RAPGEF4: variants seen among roughly 807,000 people sequenced by gnomAD.
The protein encoded by RAPGEF4 is Rap guanine nucleotide exchange factor 4.
A neutral mutation model predicts 147.9 loss-of-function variants in RAPGEF4; 66 were observed. The ratio of observed to expected loss-of-function variants is 0.45; its 90% confidence interval spans 0.37 to 0.55. The LOEUF is 0.55. Ranked by LOEUF, RAPGEF4 falls within the 20% of genes least tolerant of loss-of-function variation. The pLI is 0.00. For synonymous variants in RAPGEF4, 419 were observed against 442.7 expected (o/e 0.95, Z 0.67); for missense variants, 1,071 against 1,257.3 (o/e 0.85, Z 2.24).
intron 4 of RAPGEF4, among the ~76,000 whole-genome samples, chr2:172,817,540 G>T (rs1688621499): frequency 6.6e-6 from 1 of 152,142 alleles, no homozygotes; most frequent in African/African-American, 2.4e-5. Flanking sequence ...AATATCAAAA[G>T]GGAAGAACTA....
chr2:172,847,276 G>A (rs1056291018), intron 4 of RAPGEF4, among the ~76,000 whole-genome samples: 2 of 152,158 alleles, frequency 1.3e-5, no homozygotes, highest in South Asian at 2.1e-4. Flanking sequence ...TCTTAACACT[G>A]TCACAAATAT....
chr2:172,974,082 TCTGTGTGCTAGA>T (rs1455851740), intron 10 of RAPGEF4, among the ~76,000 whole-genome samples: 1 of 152,248 alleles, frequency 6.6e-6, no homozygotes, highest in Non-Finnish European at 1.5e-5. Context: ...TTATCGAGCA[TCTGTGTGCTAGA>T]CACTGTGCTA....
At position 172,961,118 on chromosome 2, in the gene RAPGEF4, C is replaced by A. The variant is rs756616893; in HGVS notation, c.592-4C>A. On this transcript the variant is annotated splice_region_variant and splice_polypyrimidine_tract_variant and intron_variant, in intron 7 of 30. Coordinates refer to ENST00000397081, the MANE Select transcript of RAPGEF4 (RefSeq NM_007023.4). ...TCCCCTCCTTCCACCTGATTACAAT[C>A]CAGGTCCCTTCAGAGAAGATCCTCA... 4 of 1,582,606 alleles carry A rather than the reference C, an allele frequency of 2.5e-6. No homozygotes were observed. The highest frequency in any genetic ancestry group is 2.7e-5 in the African/African-American group (2 of 74,222).
At chr2:172,858,168 T>C (rs916825342) in intron 4 of RAPGEF4, among the ~76,000 whole-genome samples, 1 of 152,202 alleles carries the variant, frequency 6.6e-6, no homozygotes, top group Admixed American at 6.5e-5. Flanking sequence ...ATTCTTGTTT[T>C]TGAGTTTATG....
chr2:172,745,040 A>T (rs1021520121), intron 1 of RAPGEF4, among the ~76,000 whole-genome samples: 6 of 152,154 alleles, frequency 3.9e-5, no homozygotes, highest in African/African-American at 1.2e-4. Flanking sequence ...ATGTCAATTC[A>T]TGAGGGATAT....
chr2:172,854,494 A>G (rs528335782), intron 4 of RAPGEF4, among the ~76,000 whole-genome samples: 9 of 152,074 alleles, frequency 5.9e-5, no homozygotes, highest in Non-Finnish European at 1.2e-4. Flanking sequence ...TAAAGAACAT[A>G]TAGATGAATT....
chr2:173,052,453 A>G lies in RAPGEF4; in HGVS notation c.*686A>G, dbSNP rs1686338291. The G allele has an allele frequency of 6.6e-6, 1 of 152,670 alleles. No homozygotes were observed. The highest frequency in any genetic ancestry group is 1.5e-5 in the Non-Finnish European group (1 of 68,036). 9.5% of individuals were successfully genotyped at this position (152,670 alleles called of 1,614,324 possible). Reference sequence around the variant, plus strand: ...CATAAGAATTCCACTAAGAAATGCCAAGATTCTTAAATTTGCCAGCGTTAA... The same window carrying G: ...CATAAGAATTCCACTAAGAAATGCCGAGATTCTTAAATTTGCCAGCGTTAA... On this transcript the variant is annotated 3_prime_UTR_variant, in exon 31 of 31. Transcript: ENST00000397081.
chr2:172,925,783 GAGAGAGAGAGAGAGAAAGAAAGAA>G (rs976357682), intron 6 of RAPGEF4, among the ~76,000 whole-genome samples: 1 of 140,264 alleles, frequency 7.1e-6, no homozygotes, highest in Non-Finnish European at 1.5e-5. Context: ...AAGAAAGAGA[GAGAGAGAGAGAGAGAAAGAAAGAA>G]AGAGAGAGAG....
chr2:172,876,647 T>A (rs1280765991), intron 4 of RAPGEF4, among the ~76,000 whole-genome samples: 1 of 152,184 alleles, frequency 6.6e-6, no homozygotes, highest in Non-Finnish European at 1.5e-5. Flanking sequence ...TGGATTCGGT[T>A]TGCCAGTATT....
intron 23 of RAPGEF4, among the ~76,000 whole-genome samples, chr2:173,023,881 C>T (rs987275280): frequency 2.6e-5 from 4 of 152,240 alleles, no homozygotes; most frequent in African/African-American, 9.6e-5. Flanking sequence ...GGGCTGTGTT[C>T]ACAGCAGCTG....
intron 4 of RAPGEF4, among the ~76,000 whole-genome samples, chr2:172,890,800 T>G (rs763701408): frequency 2.0e-5 from 3 of 152,196 alleles, no homozygotes; most frequent in Non-Finnish European, 2.9e-5. Context: ...ATGTGGGAAT[T>G]CAGTGCAAAA....
intron 1 of RAPGEF4, among the ~76,000 whole-genome samples, chr2:172,788,720 A>C (rs563096710): frequency 6.6e-6 from 1 of 152,054 alleles, no homozygotes; most frequent in African/African-American, 2.4e-5. Flanking sequence ...CCCTGTCTCT[A>C]CAAAAAAAAT....
chr2:172,799,447 C>T (rs1031392529), intron 3 of RAPGEF4, among the ~76,000 whole-genome samples: 31 of 152,184 alleles, frequency 2.0e-4, no homozygotes, highest in African/African-American at 6.8e-4. Context: ...CCCTCTCTCC[C>T]TGCCTTTTGT....
At chr2:172,874,596 T>C (rs1180321463) in intron 4 of RAPGEF4, among the ~76,000 whole-genome samples, 1 of 152,130 alleles carries the variant, frequency 6.6e-6, no homozygotes, top group Admixed American at 6.6e-5. Flanking sequence ...TTTATGGCTA[T>C]ATAGTATTCC....
At chr2:172,761,354 C>T (rs991032263) in intron 1 of RAPGEF4, among the ~76,000 whole-genome samples, 7 of 152,066 alleles carry the variant, frequency 4.6e-5, no homozygotes, top group South Asian at 2.1e-4. Flanking sequence ...TTGTTTGAGA[C>T]GGAGTCTCAA....
chr2:173,001,170 AGAACCAAT>A, intron 16 of RAPGEF4, 88 bp from the exon 17 acceptor site: 33 of 1,556,536 alleles, frequency 2.1e-5, no homozygotes, highest in Non-Finnish European at 2.7e-5. Context: ...CCAATGTGTT[AGAACCAAT>A]GACTAAGAAC....
Position 172,954,300 on chromosome 2 carries a change from CTG to C in RAPGEF4, c.538-6458_538-6457del, listed in dbSNP as rs1688514196. Among the ~76,000 whole-genome samples the C allele has an allele frequency of 2.0e-5, 3 of 152,174 alleles. No individual in the cohort carries two copies. The South Asian group carries it at 6.2e-4, about 32-fold the overall frequency. ...CTCTCAATCAGGACTCTGGATTTTC[CTG>C]TCTCTCCAGATTTCTGGGTGGCAGT... is the stretch of plus-strand genomic sequence containing the variant. On this transcript the variant is annotated intron_variant, in intron 6 of 30. Transcript: ENST00000397081.
At chr2:172,871,246 A>G (rs1427821433) in intron 4 of RAPGEF4, among the ~76,000 whole-genome samples, 2 of 152,186 alleles carry the variant, frequency 1.3e-5, no homozygotes, top group Non-Finnish European at 2.9e-5. Context: ...GTGTTGCTCA[A>G]AGGGAAAACT....
intron 4 of RAPGEF4, among the ~76,000 whole-genome samples, chr2:172,861,430 G>T (rs1694036385): frequency 6.6e-6 from 1 of 152,138 alleles, no homozygotes; most frequent in South Asian, 2.1e-4. Flanking sequence ...GGGAAAAGGG[G>T]GTATCTTGAA....
Sources: allele counts gnomAD v4.1 joint callset (sites outside exome capture counted in the v4.1 genomes callset), GRCh38; gene constraint gnomAD v4.1.1; transcripts MANE v1.5; gene names NCBI Gene and HGNC (gene_info 2026-07-23, HGNC 2026-07-21).